Variants in DGKD observed in about 807,000 individuals in gnomAD.
The protein encoded by DGKD is DAG kinase delta.
A neutral mutation model predicts 154.4 loss-of-function variants in DGKD; 68 were observed. The observed-to-expected ratio is 0.44, with a 90% CI of 0.36 to 0.54. The LOEUF (loss-of-function observed/expected upper bound fraction) is 0.54, where lower values mean the gene tolerates loss of function less well. DGKD is among the 20% of genes least tolerant of loss of function. The probability of loss-of-function intolerance (pLI) is 0.00; values close to 1 mark genes in which losing one functional copy is unlikely to be tolerated. For synonymous variants in DGKD, 693 were observed against 638.0 expected (o/e 1.09, Z -1.30); for missense variants, 1,343 against 1,593.6 (o/e 0.84, Z 2.68).
intron 8 of DGKD, 87 bp downstream of exon 8, chr2:233,437,566 T>C: frequency 7.5e-7 from 1 of 1,339,840 alleles, no homozygotes; most frequent in Non-Finnish European, 1.1e-6. Context: ...CTGGAGTTGG[T>C]TATCTTGGTG....
rs181432341 is a variant in DGKD, at chr2:233,368,038, A to G, written c.156+13364A>G. Reference sequence around the variant, plus strand: ...GATTTCCCCTTTACAGTTAGGAAGTAATAGGTGATTCCTGGGCACTGTGCA... The same window carrying G: ...GATTTCCCCTTTACAGTTAGGAAGTGATAGGTGATTCCTGGGCACTGTGCA... On this transcript the variant is annotated intron_variant, in intron 1 of 29. Transcript: ENST00000264057. Among the ~76,000 whole-genome samples the G allele has an allele frequency of 1.8e-3, 273 of 152,050 alleles. 1 individual carries two copies. Among genetic ancestry groups the G allele is most frequent in the African/African-American group, 6.4e-3 (266 of 41,488 alleles).
chr2:233,367,856 T>TC (rs1463739025), intron 1 of DGKD, among the ~76,000 whole-genome samples: 13 of 116,936 alleles, frequency 1.1e-4, no homozygotes, highest in Non-Finnish European at 3.6e-5. Flanking sequence ...TTTTTCTTTT[T>TC]TTTTTTTTTT....
At chr2:233,376,909 T>G (rs1702602131) in intron 1 of DGKD, among the ~76,000 whole-genome samples, 1 of 152,132 alleles carries the variant, frequency 6.6e-6, no homozygotes, top group South Asian at 2.1e-4. Context: ...CTTCCCTGTC[T>G]CATCTACCCT....
intron 1 of DGKD, among the ~76,000 whole-genome samples, chr2:233,381,126 G>A (rs990950466): frequency 2.0e-5 from 3 of 152,194 alleles, no homozygotes; most frequent in Non-Finnish European, 2.9e-5. Flanking sequence ...AGAGCTGAGC[G>A]GGATTCTGCA....
intron 3 of DGKD, among the ~76,000 whole-genome samples, chr2:233,394,411 T>A (rs892345716): frequency 6.6e-6 from 1 of 151,906 alleles, no homozygotes; most frequent in Non-Finnish European, 1.5e-5. Context: ...CCTGGCTAAT[T>A]TTTACATTTT....
intron 3 of DGKD, among the ~76,000 whole-genome samples, chr2:233,413,780 C>T (rs1232596382): frequency 6.6e-6 from 1 of 152,236 alleles, no homozygotes; most frequent in Admixed American, 6.5e-5. Context: ...CACGGTGGCT[C>T]TTCAAATTCT....
rs181660082 is a variant in DGKD at position 233,382,926 on chromosome 2, A to T, written c.157-5331A>T. 2.6e-5 allele frequency among the ~76,000 whole-genome samples: 4 copies of T among 152,276 alleles called. No homozygotes were observed. The East Asian group carries it at 7.7e-4, about 29-fold the overall frequency. ...CAGGGTTAAGCATCCTTTGGGGCTTAGTCTCCATTTGACTTACTCTTCTGG... is the reference window on the plus strand; with the variant it reads ...CAGGGTTAAGCATCCTTTGGGGCTTTGTCTCCATTTGACTTACTCTTCTGG... On this transcript the variant is annotated intron_variant, in intron 1 of 29. Transcript: ENST00000264057.
chr2:233,365,341 CT>C (rs943542322), intron 1 of DGKD, among the ~76,000 whole-genome samples: 1 of 152,058 alleles, frequency 6.6e-6, no homozygotes, highest in African/African-American at 2.4e-5. Flanking sequence ...AGTGATTCTC[CT>C]GCCTCAGCCT....
intron 3 of DGKD, among the ~76,000 whole-genome samples, chr2:233,424,936 T>A (rs2062242421): frequency 6.6e-6 from 1 of 152,182 alleles, no homozygotes; most frequent in African/African-American, 2.4e-5. Context: ...CTCCAGTATG[T>A]CTCCTTTTTC....
In DGKD at chr2:233,354,777, C is replaced by G; in HGVS notation, c.156+103C>G. The stretch of plus-strand genomic sequence containing the variant: ...GAGCGGCCGCCCAGGCCCGGCTCGG[C>G]CCGGCCCGGGGTCCCGCGGGCGTCA... On this transcript the variant is annotated intron_variant, in intron 1 of 29. Transcript: ENST00000264057. The surrounding 1 kb of genome is among the most constrained non-coding windows in gnomAD (Gnocchi z 4.8). The G allele has an allele frequency of 1.5e-6, 1 of 677,952 alleles. No homozygotes were observed. The highest frequency in any genetic ancestry group is 1.8e-6 in the Non-Finnish European group (1 of 552,070). 42.0% of individuals were successfully genotyped at this position (677,952 alleles called of 1,614,324 possible).
Position 233,388,239 on chromosome 2 carries a change from A to G in DGKD, c.157-18A>G, listed in dbSNP as rs2125438203. The G allele has an allele frequency of 3.7e-6, 6 of 1,603,536 alleles. No homozygotes were observed. The highest frequency in any genetic ancestry group is 1.8e-5 in the Admixed American group (1 of 56,414). On this transcript the variant is annotated intron_variant, in intron 1 of 29. Coordinates refer to ENST00000264057, the MANE Select transcript of DGKD (RefSeq NM_152879.3). ...ACCTTGAAAACGCAAGTTTATGAAT[A>G]TGTTTCTGTACTTTCAGACCATCAT... is the stretch of plus-strand genomic sequence containing the variant.
chr2:233,412,244 C>G (rs1352599930), intron 3 of DGKD, among the ~76,000 whole-genome samples: 1 of 152,146 alleles, frequency 6.6e-6, no homozygotes, highest in East Asian at 1.9e-4. Context: ...GTTGAGTTTT[C>G]CAGTACATTA....
intron 1 of DGKD, among the ~76,000 whole-genome samples, chr2:233,371,386 C>T (rs1306694655): frequency 3.3e-5 from 5 of 152,026 alleles, no homozygotes; most frequent in African/African-American, 9.7e-5. Context: ...ATTTTCCAAT[C>T]GGGTTGTCTT....
chr2:233,456,557 T>C (rs960769130), intron 19 of DGKD, among the ~76,000 whole-genome samples: 1 of 152,184 alleles, frequency 6.6e-6, no homozygotes, highest in African/African-American at 2.4e-5. Flanking sequence ...ATTTTCCAGT[T>C]TTTCTATGGT....
At chr2:233,451,580 T>TG (rs2063295664) in intron 17 of DGKD, among the ~76,000 whole-genome samples, 2 of 152,072 alleles carry the variant, frequency 1.3e-5, no homozygotes, top group Non-Finnish European at 2.9e-5. Flanking sequence ...CTTTTTTTTT[T>TG]TTTTTAAAAG....
At position 233,377,331 on chromosome 2, in the gene DGKD, G is replaced by T. The variant is rs970185035; in HGVS notation, c.157-10926G>T. ...ACTCCTAACCTCAGGTGATCCACCC[G>T]CTTCGGCCTCCCAAAGTGCTGGGAT... is the stretch of plus-strand genomic sequence containing the variant. On this transcript the variant is annotated intron_variant, in intron 1 of 29. Transcript: ENST00000264057. 3.3e-5 allele frequency among the ~76,000 whole-genome samples: 5 copies of T among 152,184 alleles called. No individual in the cohort carries two copies. The East Asian group carries it at 9.7e-4, about 29-fold the overall frequency.
chr2:233,432,576 A>C (rs532334935), intron 3 of DGKD, among the ~76,000 whole-genome samples: 4 of 152,170 alleles, frequency 2.6e-5, no homozygotes, highest in Non-Finnish European at 5.9e-5. Flanking sequence ...GGAGAATGGC[A>C]TGAACCCAAG....
chr2:233,461,740 A>G (rs1298106772), intron 24 of DGKD, among the ~76,000 whole-genome samples: 1 of 152,228 alleles, frequency 6.6e-6, no homozygotes, highest in Non-Finnish European at 1.5e-5. Flanking sequence ...GCCTGTTTCC[A>G]CAGGGTCAGG....
intron 3 of DGKD, among the ~76,000 whole-genome samples, chr2:233,423,354 A>G (rs944878638): frequency 6.6e-6 from 1 of 152,116 alleles, no homozygotes; most frequent in Non-Finnish European, 1.5e-5. Flanking sequence ...GAGTGGCCGT[A>G]ATGTTTTACA....
Sources: allele counts gnomAD v4.1 joint callset (sites outside exome capture counted in the v4.1 genomes callset), GRCh38; gene constraint gnomAD v4.1.1; non-coding constraint Gnocchi (gnomAD v3.1); transcripts MANE v1.5; gene names NCBI Gene and HGNC (gene_info 2026-07-23, HGNC 2026-07-21).